COL8A1: variants seen among roughly 807,000 people sequenced by gnomAD.
COL8A1 encodes collagen type VIII alpha 1 chain.
COL8A1 carries 21 observed loss-of-function variants against 42.7 expected under a neutral mutation model. The observed-to-expected ratio is 0.49, with a 90% CI of 0.35 to 0.71. The LOEUF is 0.71. COL8A1 is among the 30% of genes least tolerant of loss of function. The probability of loss-of-function intolerance (pLI) is 0.01; values close to 1 mark genes in which losing one functional copy is unlikely to be tolerated. For missense variants in COL8A1, 788 were observed against 962.4 expected (o/e 0.82, Z 2.40); for synonymous variants, 367 against 369.1 (o/e 0.99, Z 0.06).
chr3:99,706,911 C>A (rs946069858), intron 1 of COL8A1, among the ~76,000 whole-genome samples: 53 of 152,180 alleles, frequency 3.5e-4, no homozygotes, highest in African/African-American at 1.2e-3. Flanking sequence ...CTACACCAAT[C>A]TAGTTTGATG....
chr3:99,754,148 G>A (rs1015005479), intron 2 of COL8A1, among the ~76,000 whole-genome samples: 3 of 152,126 alleles, frequency 2.0e-5, no homozygotes, highest in African/African-American at 7.2e-5. Context: ...TTAAAGAAAT[G>A]TTTCTACCTA....
At chr3:99,775,278 T>C (rs183924690) in intron 2 of COL8A1, among the ~76,000 whole-genome samples, 6 of 152,300 alleles carry the variant, frequency 3.9e-5, no homozygotes, top group African/African-American at 1.4e-4. Flanking sequence ...CTCTCCCATC[T>C]GGCATATGAG....
chr3:99,727,027 G>C (rs371631814), intron 1 of COL8A1, among the ~76,000 whole-genome samples: 1 of 151,324 alleles, frequency 6.6e-6, no homozygotes, highest in Admixed American at 6.6e-5. Context: ...TCATGATATT[G>C]ATTCTTCCTA....
intron 1 of COL8A1, among the ~76,000 whole-genome samples, chr3:99,737,318 A>C (rs1189549514): frequency 1.3e-5 from 2 of 150,642 alleles, no homozygotes; most frequent in Non-Finnish European, 3.0e-5. Context: ...GTTTCTTCCT[A>C]GTCTCGATGG....
intron 3 of COL8A1, among the ~76,000 whole-genome samples, chr3:99,793,740 CTT>C (rs1213199447): frequency 6.6e-6 from 1 of 151,536 alleles, no homozygotes; most frequent in Non-Finnish European, 1.5e-5. Flanking sequence ...CTTGATTTTT[CTT>C]TCTTATTTAT....
chr3:99,658,695 C>T (rs541508836), intron 1 of COL8A1, among the ~76,000 whole-genome samples: 1 of 152,106 alleles, frequency 6.6e-6, no homozygotes, highest in East Asian at 1.9e-4. Context: ...CTGGCAGATA[C>T]AAAGGTCAAC....
At chr3:99,642,364 C>G (rs1001256659) in intron 1 of COL8A1, among the ~76,000 whole-genome samples, 1 of 152,120 alleles carries the variant, frequency 6.6e-6, no homozygotes, top group African/African-American at 2.4e-5. Flanking sequence ...CGTGTGTACT[C>G]AAATTCATGA....
intron 2 of COL8A1, among the ~76,000 whole-genome samples, chr3:99,750,049 CTTT>C (rs1176042144): frequency 1.1e-4 from 7 of 65,966 alleles, no homozygotes; most frequent in Non-Finnish European, 7.9e-5. Flanking sequence ...TTTTTTTCTT[CTTT>C]TTTTTTTTTT....
At chr3:99,649,392 A>G (rs1049100541) in intron 1 of COL8A1, among the ~76,000 whole-genome samples, 2 of 152,280 alleles carry the variant, frequency 1.3e-5, no homozygotes, top group Non-Finnish European at 2.9e-5. Context: ...AAAGAAAAAA[A>G]TAGAGGTAGG....
chr3:99,764,691 TC>T, intron 2 of COL8A1, among the ~76,000 whole-genome samples: 1 of 39,822 alleles, frequency 2.5e-5, no homozygotes, highest in Non-Finnish European at 4.4e-5. Flanking sequence ...TTCTTTTTTT[TC>T]TTTTTTTTCT....
Position 99,641,848 on chromosome 3 carries a change from G to A in COL8A1, c.-129+3184G>A, listed in dbSNP as rs933128614. ...GATCTTGAAACTTGAGTGTATTCTT[G>A]TGAAAGGTGCACTGGTCTAACTATT... On this transcript the variant is annotated intron_variant, in intron 1 of 3. Coordinates refer to ENST00000652472, the MANE Select transcript of COL8A1 (RefSeq NM_020351.4). Among the ~76,000 whole-genome samples, 3 of 152,160 alleles carry A rather than the reference G, an allele frequency of 2.0e-5. No homozygotes were observed. In the South Asian group the frequency reaches 6.2e-4, roughly 31 times the overall value.
At chr3:99,671,969 A>G (rs761069053) in intron 1 of COL8A1, among the ~76,000 whole-genome samples, 3 of 152,042 alleles carry the variant, frequency 2.0e-5, no homozygotes, top group Non-Finnish European at 4.4e-5. Flanking sequence ...CTGCTACAAG[A>G]GAAAAAAGCA....
intron 1 of COL8A1, among the ~76,000 whole-genome samples, chr3:99,716,347 G>A (rs944229103): frequency 2.0e-5 from 3 of 151,976 alleles, no homozygotes; most frequent in African/African-American, 4.8e-5. Flanking sequence ...CATCAGACCA[G>A]CATCTTAAAC....
intron 1 of COL8A1, among the ~76,000 whole-genome samples, chr3:99,704,478 T>C (rs754224513): frequency 6.6e-6 from 1 of 152,110 alleles, no homozygotes; most frequent in African/African-American, 2.4e-5. Context: ...TTGTTACATA[T>C]GTATACATGT....
At chr3:99,673,876 A>G (rs1296937870) in intron 1 of COL8A1, among the ~76,000 whole-genome samples, 1 of 152,058 alleles carries the variant, frequency 6.6e-6, no homozygotes, top group Admixed American at 6.6e-5. Context: ...AAGGATGATG[A>G]TGTTATTAAT....
chr3:99,757,919 A>C (rs1941286195), intron 2 of COL8A1, among the ~76,000 whole-genome samples: 1 of 152,164 alleles, frequency 6.6e-6, no homozygotes, highest in Admixed American at 6.6e-5. Context: ...AGATCTTTGA[A>C]TCTAAAACCT....
intron 2 of COL8A1, among the ~76,000 whole-genome samples, chr3:99,750,204 A>G (rs1308411362): frequency 6.6e-6 from 1 of 151,458 alleles, no homozygotes; most frequent in Non-Finnish European, 1.5e-5. Flanking sequence ...CTACAGGTGC[A>G]CACCACCACA....
intron 1 of COL8A1, among the ~76,000 whole-genome samples, chr3:99,640,213 A>T (rs1271927959): frequency 2.0e-5 from 3 of 152,238 alleles, no homozygotes; most frequent in African/African-American, 7.2e-5. Flanking sequence ...ATATAAAATT[A>T]CTATTGGCCA....
At chr3:99,684,674 G>A (rs879194378) in intron 1 of COL8A1, among the ~76,000 whole-genome samples, 5 of 152,132 alleles carry the variant, frequency 3.3e-5, no homozygotes, top group Admixed American at 3.3e-4. Flanking sequence ...CATTTCTTAA[G>A]GTAGAGTTGT....
Sources: allele counts gnomAD v4.1 joint callset (sites outside exome capture counted in the v4.1 genomes callset), GRCh38; gene constraint gnomAD v4.1.1; transcripts MANE v1.5; gene names NCBI Gene and HGNC (gene_info 2026-07-23, HGNC 2026-07-21).